EFL1: variants seen among roughly 807,000 people sequenced by gnomAD.
The protein encoded by EFL1 is elongation factor-like GTPase 1.
A neutral mutation model predicts 126.7 loss-of-function variants in EFL1; 76 were observed. The ratio of observed to expected loss-of-function variants is 0.60; its 90% confidence interval spans 0.50 to 0.73. The LOEUF (loss-of-function observed/expected upper bound fraction) is 0.73. Ranked by LOEUF, EFL1 falls within the 30% of genes least tolerant of loss-of-function variation. The pLI, the probability that EFL1 is intolerant of heterozygous loss-of-function variation, is 0.00. For synonymous variants in EFL1, 410 were observed against 448.4 expected (o/e 0.91, Z 1.08); for missense variants, 1,128 against 1,343.2 (o/e 0.84, Z 2.50).
intron 15 of EFL1, among the ~76,000 whole-genome samples, chr15:82,165,289 G>A (rs1291189858): frequency 2.0e-5 from 3 of 152,136 alleles, no homozygotes; most frequent in Admixed American, 1.3e-4. Context: ...GAAAGAGAGA[G>A]AGCGAGAGAA....
chr15:82,221,320 C>T lies in EFL1; in HGVS notation c.1293-1091G>A, dbSNP rs563095169. On this transcript the variant is annotated intron_variant, in intron 12 of 19. Transcript: ENST00000268206. The stretch of plus-strand genomic sequence containing the variant: ...CCATGCCATATTCCCCTCCTCTCTC[C>T]GTAAGCACTGGAAGCCATGCAGGTA... 4.8e-4 allele frequency among the ~76,000 whole-genome samples: 73 copies of T among 152,256 alleles called. 1 individual carries two copies. The highest frequency in any genetic ancestry group is 2.8e-3 in the Admixed American group (43 of 15,290).
chr15:82,165,227 C>T (rs1341947716), intron 15 of EFL1, among the ~76,000 whole-genome samples: 3 of 151,612 alleles, frequency 2.0e-5, no homozygotes, highest in Non-Finnish European at 2.9e-5. Flanking sequence ...ACTGAGACCC[C>T]GTCAAAAAGG....
intron 18 of EFL1, among the ~76,000 whole-genome samples, chr15:82,149,437 A>G (rs759589761): frequency 2.0e-5 from 3 of 152,226 alleles, no homozygotes; most frequent in Non-Finnish European, 4.4e-5. Flanking sequence ...GACTTCTCAT[A>G]TGAATTAATG....
chr15:82,213,746 C>T (rs1287376890), intron 15 of EFL1, among the ~76,000 whole-genome samples: 1 of 152,154 alleles, frequency 6.6e-6, no homozygotes, highest in Non-Finnish European at 1.5e-5. Context: ...ATAAAGCTGG[C>T]TGTGGCAGCT....
chr15:82,249,112 C>T (rs1340395904), intron 4 of EFL1, among the ~76,000 whole-genome samples: 1 of 151,908 alleles, frequency 6.6e-6, no homozygotes, highest in African/African-American at 2.4e-5. Flanking sequence ...TTGTGTTTTA[C>T]TGTATATTCT....
intron 1 of EFL1, 158 bp from the exon 2 acceptor site, chr15:82,261,955 T>C: frequency 1.8e-6 from 1 of 569,882 alleles, no homozygotes; most frequent in Non-Finnish European, 3.1e-6. Context: ...AAGGCCTAAG[T>C]CCAGTTCGAG....
intron 11 of EFL1, 38 bp downstream of exon 11, chr15:82,227,412 A>C: frequency 6.2e-7 from 1 of 1,613,908 alleles, no homozygotes; most frequent in South Asian, 1.1e-5. Flanking sequence ...AGGACAGTCA[A>C]TGACATGGTA....
chr15:82,189,705 TTC>T (rs1486961401), intron 15 of EFL1, among the ~76,000 whole-genome samples: 2 of 152,172 alleles, frequency 1.3e-5, no homozygotes, highest in East Asian at 1.9e-4. Context: ...TCCTTAAAAA[TTC>T]TCTCTTATTA....
intron 15 of EFL1, among the ~76,000 whole-genome samples, chr15:82,182,648 C>A (rs1280313604): frequency 1.3e-5 from 2 of 151,814 alleles, no homozygotes; most frequent in Admixed American, 6.6e-5. Context: ...ACGGTGAAAC[C>A]CCATCTCTAC....
intron 15 of EFL1, among the ~76,000 whole-genome samples, chr15:82,178,079 A>G (rs1434073856): frequency 1.3e-5 from 2 of 152,234 alleles, no homozygotes; most frequent in Non-Finnish European, 2.9e-5. Flanking sequence ...TTACTCTATC[A>G]GGGATACTCA....
In EFL1 at chr15:82,238,647, G is replaced by C. The variant is rs1465968002; in HGVS notation, c.517-126C>G. On this transcript the variant is annotated intron_variant, in intron 6 of 19. Coordinates refer to ENST00000268206, the MANE Select transcript of EFL1 (RefSeq NM_024580.6). Reference sequence around the variant, plus strand: ...CAGTTTGGGCTCATTAAGCATACATGAATGGAGGTGACATTCATAATCAGT... The same window carrying C: ...CAGTTTGGGCTCATTAAGCATACATCAATGGAGGTGACATTCATAATCAGT... The C allele has an allele frequency of 6.9e-6, 5 of 721,706 alleles. No individual in the cohort carries two copies. In the African/African-American group the frequency reaches 7.1e-5, roughly 10 times the overall value. The allele number at this position is 721,706 out of a possible 1,614,324, so 44.7% of individuals were successfully genotyped here. A position where few individuals can be genotyped will look rare whatever the true frequency, so the allele number is the denominator to read the frequency against.
chr15:82,151,620 T>C lies in EFL1; in HGVS notation c.2834A>G (p.Lys945Arg). The change falls in exon 18 of 20, where the codon AAA (lysine) becomes AGA (arginine). Residue 945 changes from lysine (K) to arginine (R), a missense_variant. By Grantham distance (26) the Lys-to-Arg change is conservative. Coordinates refer to ENST00000268206, the MANE Select transcript of EFL1 (RefSeq NM_024580.6). ...GCAGTCAGTGAGTGGAGATTCTCCT[T>C]TCTGTGATGTCCTCTTCTCAAAGGC... ...SEAFEKRTSQ[K>R]GESPLTDCYG... 1 of 1,614,132 alleles carries C rather than the reference T, an allele frequency of 6.2e-7. No individual in the cohort carries two copies. Among genetic ancestry groups the C allele is most frequent in the South Asian group, 1.1e-5 (1 of 91,062 alleles).
intron 15 of EFL1, among the ~76,000 whole-genome samples, chr15:82,189,346 G>A (rs2074334241): frequency 6.6e-6 from 1 of 152,124 alleles, no homozygotes; most frequent in Non-Finnish European, 1.5e-5. Context: ...AGATACAAGA[G>A]GTACAGTAGG....
chr15:82,153,807 C>T (rs903123758), intron 17 of EFL1, among the ~76,000 whole-genome samples: 3 of 152,120 alleles, frequency 2.0e-5, no homozygotes, highest in Admixed American at 1.3e-4. Flanking sequence ...TATGTAGCCA[C>T]TTTTAAATAT....
chr15:82,250,130 C>T (rs375740655), intron 4 of EFL1, among the ~76,000 whole-genome samples: 2,148 of 148,112 alleles, frequency 0.015, 64 homozygotes, highest in African/African-American at 0.051. Context: ...GGTTCCCCTT[C>T]AGACGTCCCA....
chr15:82,135,039 C>A (rs1157140062), intron 19 of EFL1, among the ~76,000 whole-genome samples: 2 of 152,048 alleles, frequency 1.3e-5, no homozygotes, highest in Non-Finnish European at 2.9e-5. Context: ...ACCAAGACAG[C>A]CAAAATATAT....
intron 17 of EFL1, 145 bp downstream of exon 17, chr15:82,157,568 C>T (rs139477127): frequency 3.1e-5 from 30 of 959,974 alleles, no homozygotes; most frequent in African/African-American, 1.5e-4. Context: ...AGTCTACAAT[C>T]GAATAACTGT....
In EFL1 at chr15:82,214,707, A is replaced by C. The variant is rs544342828; in HGVS notation, c.1750+10T>G. 6.6e-7 allele frequency: 1 copy of C among 1,515,504 alleles called. No individual in the cohort carries two copies. Among genetic ancestry groups the C allele is most frequent in the African/African-American group, 1.4e-5 (1 of 71,106 alleles). The allele number at this position is 1,515,504 out of a possible 1,614,324, so 93.9% of individuals were successfully genotyped here. ...ATGGAGTAAGGATAAAATAAACAGC[A>C]TCACCCTACCTAGCACATTTCCTGG... On this transcript the variant is annotated intron_variant, in intron 15 of 19. Coordinates refer to ENST00000268206, the MANE Select transcript of EFL1 (RefSeq NM_024580.6).
intron 18 of EFL1, among the ~76,000 whole-genome samples, chr15:82,145,844 C>CA (rs5814101): frequency 0.72 from 99,368 of 138,010 alleles, 35,200 homozygotes; most frequent in East Asian, 0.79. Context: ...CTCAAAAAAC[C>CA]AAAAAAAAAA....
Sources: allele counts gnomAD v4.1 joint callset (sites outside exome capture counted in the v4.1 genomes callset), GRCh38; gene constraint gnomAD v4.1.1; transcripts MANE v1.5; gene names NCBI Gene and HGNC (gene_info 2026-07-23, HGNC 2026-07-21).